The following CDKL1 variants were observed in gnomAD, a reference collection of about 807,000 sequenced individuals.
The protein encoded by CDKL1 is cyclin dependent kinase like 1, also known as cyclin-dependent kinase-like 1.
In CDKL1, 41 loss-of-function variants were observed where a neutral mutation model predicts 42.0. That is an observed-to-expected ratio of 0.98 (90% CI 0.76 to 1.27). The LOEUF (loss-of-function observed/expected upper bound fraction) is 1.27. Ranked by LOEUF, CDKL1 falls within the 50% of genes most tolerant of loss-of-function variation. CDKL1 has a pLI of 0.00. For missense variants in CDKL1, 394 were observed against 428.4 expected (o/e 0.92, Z 0.71); for synonymous variants, 153 against 158.6 (o/e 0.96, Z 0.26).
intron 4 of CDKL1, chr14:50,342,852 C>G: frequency 8.2e-7 from 1 of 1,226,014 alleles, no homozygotes; most frequent in South Asian, 1.5e-5. Flanking sequence ...GATTTCCCTT[C>G]CAGCTCTGAC....
In CDKL1 at chr14:50,390,029, G is replaced by A. The variant is rs964903444; in HGVS notation, c.168+5672C>T. The A allele has an allele frequency of 3.6e-5, 22 of 604,810 alleles. 1 individual carries two copies. Among genetic ancestry groups the A allele is most frequent in the Middle Eastern group, 6.7e-4 (2 of 3,000 alleles). The allele number at this position is 604,810 out of a possible 1,614,324, so 37.5% of individuals were successfully genotyped here. A position where few individuals can be genotyped will look rare whatever the true frequency, so the allele number is the denominator to read the frequency against. On this transcript the variant is annotated intron_variant, in intron 2 of 9. Transcript: ENST00000395834. ...CTTCTAAGGTTGTTATTAGTGTAAC[G>A]ATATCTACCTTCTAAGGTTGTTATT... is the stretch of plus-strand genomic sequence containing the variant.
chr14:50,338,883 G>A lies in CDKL1; in HGVS notation c.738+64C>T, dbSNP rs1267268041. 38 of 1,027,868 alleles carry A rather than the reference G, an allele frequency of 3.7e-5. No homozygotes were observed. The Admixed American group carries it at 6.4e-4, about 17-fold the overall frequency. 63.7% of individuals were successfully genotyped at this position (1,027,868 alleles called of 1,614,324 possible). A position where few individuals can be genotyped will look rare whatever the true frequency, so the allele number is the denominator to read the frequency against. On this transcript the variant is annotated intron_variant, in intron 7 of 9. Coordinates refer to ENST00000395834, the MANE Select transcript of CDKL1 (RefSeq NM_004196.7). ...CAGGGTGAGCCATGGGGCTCAGGAG[G>A]TGAATAACAACCAAAGCCTAGCTAG...
At chr14:50,332,207 T>G in intron 9 of CDKL1, 55 bp downstream of exon 9, 2 of 1,614,192 alleles carry the variant, frequency 1.2e-6, no homozygotes, top group South Asian at 2.2e-5. Flanking sequence ...TCCTCAAGTC[T>G]AGATTCCAAC....
chr14:50,367,419 C>T (rs980657500), intron 2 of CDKL1, among the ~76,000 whole-genome samples: 1 of 152,164 alleles, frequency 6.6e-6, no homozygotes, highest in African/African-American at 2.4e-5. Context: ...AAAGGGACAC[C>T]TCTGATCCTC....
At chr14:50,355,666 T>C (rs2034033795) in intron 3 of CDKL1, among the ~76,000 whole-genome samples, 1 of 152,172 alleles carries the variant, frequency 6.6e-6, no homozygotes, top group Non-Finnish European at 1.5e-5. Flanking sequence ...CCCTTGAGGA[T>C]TGTGCATTTT....
intron 2 of CDKL1, chr14:50,390,316 A>C: frequency 7.3e-7 from 1 of 1,366,436 alleles, no homozygotes; most frequent in Non-Finnish European, 9.8e-7. Context: ...TCCCACAGTG[A>C]CACTGTCCTG....
At chr14:50,335,490 TC>T (rs2033216799) in intron 7 of CDKL1, 2 of 1,535,950 alleles carry the variant, frequency 1.3e-6, no homozygotes, top group South Asian at 1.2e-5. Context: ...TGTGGGGCAT[TC>T]GTCAATCTCC....
chr14:50,334,893 A>T, intron 7 of CDKL1: 1 of 284,814 alleles, frequency 3.5e-6, no homozygotes, highest in Non-Finnish European at 6.3e-6. Flanking sequence ...AAATAAAAAT[A>T]CTAATGAAAA....
At chr14:50,393,521 C>T (rs1483570171) in intron 2 of CDKL1, among the ~76,000 whole-genome samples, 1 of 152,138 alleles carries the variant, frequency 6.6e-6, no homozygotes, top group East Asian at 1.9e-4. Context: ...GTCACCCAGG[C>T]TAGATAGAAT....
chr14:50,391,202 T>C (rs1439749088), intron 2 of CDKL1, among the ~76,000 whole-genome samples: 1 of 152,158 alleles, frequency 6.6e-6, no homozygotes, highest in African/African-American at 2.4e-5. Context: ...ACTTCTGTTA[T>C]GACCACCCTA....
chr14:50,392,489 A>AATAATAATAATGATG (rs138572340), intron 2 of CDKL1, among the ~76,000 whole-genome samples: 1 of 147,260 alleles, frequency 6.8e-6, no homozygotes, highest in Non-Finnish European at 1.5e-5. Context: ...TAATAATAAT[A>AATAATAATAATGATG]ATGAAAGAAC....
intron 9 of CDKL1, chr14:50,330,572 C>G (rs1364638158): frequency 5.2e-6 from 1 of 191,364 alleles, no homozygotes; most frequent in African/African-American, 2.4e-5. Context: ...CCTACTCACT[C>G]TCTTCCCTTA....
Position 50,359,093 on chromosome 14 carries a change from C to T in CDKL1, c.225G>A (p.Arg75=), listed in dbSNP as rs1482781388. 1.9e-6 allele frequency: 3 copies of T among 1,612,864 alleles called. No homozygotes were observed. Among genetic ancestry groups the T allele is most frequent in the Non-Finnish European group, 1.7e-6 (2 of 1,179,080 alleles). The change falls in exon 3 of 10, where the codon AGG becomes AGA. Residue 75 remains arginine (R), a synonymous_variant. Transcript: ENST00000395834. The stretch of plus-strand genomic sequence containing the variant: ...CACAATATTCAAACACCAGGTGAAG[C>T]CTCCGTTTCCTCCTGAAGACTTCCA... ...NLLEVFRRKR[R]LHLVFEYCDH...
intron 2 of CDKL1, chr14:50,380,299 A>G: frequency 2.0e-6 from 1 of 504,780 alleles, no homozygotes; most frequent in South Asian, 1.5e-5. Context: ...AGAGGTGGTG[A>G]TGCCCATGCT....
chr14:50,371,059 C>T (rs963809302), intron 2 of CDKL1, among the ~76,000 whole-genome samples: 6 of 152,224 alleles, frequency 3.9e-5, no homozygotes, highest in African/African-American at 1.2e-4. Flanking sequence ...CAATTTCATC[C>T]ATGTTGTCAC....
intron 3 of CDKL1, among the ~76,000 whole-genome samples, chr14:50,353,523 T>C (rs998712257): frequency 4.5e-5 from 4 of 88,782 alleles, no homozygotes; most frequent in African/African-American, 1.7e-4. Context: ...AAGAATATAT[T>C]ACTAAGAATT....
intron 2 of CDKL1, among the ~76,000 whole-genome samples, chr14:50,360,708 G>C (rs1034844190): frequency 4.6e-5 from 7 of 152,072 alleles, no homozygotes; most frequent in Non-Finnish European, 8.8e-5. Flanking sequence ...ACCCGGCCAT[G>C]AGCCACCGCG....
chr14:50,378,013 GT>G (rs1250480386), intron 2 of CDKL1, among the ~76,000 whole-genome samples: 2 of 152,128 alleles, frequency 1.3e-5, no homozygotes, highest in Non-Finnish European at 2.9e-5. Flanking sequence ...GGTCTCTCAT[GT>G]CTAAGTCAGG....
intron 2 of CDKL1, among the ~76,000 whole-genome samples, chr14:50,392,416 A>G (rs1417171484): frequency 6.6e-6 from 1 of 151,510 alleles, no homozygotes; most frequent in East Asian, 1.9e-4. Flanking sequence ...ACTGCACTCC[A>G]GCCTGGGTAG....
Sources: gnomAD v4.1 joint callset for allele counts (sites outside exome capture counted in the v4.1 genomes callset) on GRCh38, gnomAD v4.1.1 for gene constraint, MANE v1.5 for transcripts, NCBI Gene and HGNC (gene_info 2026-07-23, HGNC 2026-07-21) for gene names.